The following POLR3C variants were observed in gnomAD, a reference collection of about 807,000 sequenced individuals.
POLR3C encodes the protein DNA-directed RNA polymerase III subunit RPC3.
A neutral mutation model predicts 65.9 loss-of-function variants in POLR3C; 44 were observed. The observed-to-expected ratio is 0.67, with a 90% confidence interval of 0.52 to 0.86. The LOEUF is 0.86. POLR3C is among the 40% of genes least tolerant of loss of function. The pLI, the probability that POLR3C is intolerant of heterozygous loss-of-function variation, is 0.00. For synonymous variants in POLR3C, 263 were observed against 231.6 expected (o/e 1.14, Z -1.23); for missense variants, 576 against 653.2 (o/e 0.88, Z 1.29).
Position 145,842,415 on chromosome 1 carries a change from C to A in POLR3C, c.1600C>A (p.Gln534Lys). ...TTACATTGAGTGCACCATGAAGAGA[C>A]AGTGATCCAGAAGAAGCATCTTCCT... ...ESYIECTMKR[Q>K] The change falls in exon 15 of 15, where the codon CAG (glutamine) becomes AAG (lysine). Residue 534 changes from glutamine (Q) to lysine (K), a missense_variant. Gln to Lys is a moderately conservative substitution (Grantham distance 53). Transcript: ENST00000334163. 6.3e-7 allele frequency: 1 copy of A among 1,597,818 alleles called. No homozygotes were observed. Among genetic ancestry groups the A allele is most frequent in the Non-Finnish European group, 8.6e-7 (1 of 1,165,822 alleles).
At chr1:145,833,940 T>G (rs1329559163) in intron 7 of POLR3C, among the ~76,000 whole-genome samples, 1 of 152,238 alleles carries the variant, frequency 6.6e-6, no homozygotes, top group East Asian at 1.9e-4. Context: ...TTATTTATAT[T>G]ACTTTCATAG....
intron 10 of POLR3C, 87 bp downstream of exon 10, chr1:145,837,683 C>T (rs113245277): frequency 1.1e-6 from 1 of 884,758 alleles, no homozygotes; most frequent in Non-Finnish European, 1.9e-6. Context: ...ACCAATATAA[C>T]CACACCTTGG....
chr1:145,842,077 C>T (rs1350285623), intron 14 of POLR3C, among the ~76,000 whole-genome samples: 2 of 152,110 alleles, frequency 1.3e-5, no homozygotes, highest in Non-Finnish European at 2.9e-5. Flanking sequence ...TGTGCCTTTA[C>T]GTTCGTTTTC....
At chr1:145,836,892 A>C (rs1323129640) in intron 9 of POLR3C, 26 bp downstream of exon 9, 1 of 1,364,992 alleles carries the variant, frequency 7.3e-7, no homozygotes, top group Non-Finnish European at 1.0e-6. Flanking sequence ...ATTTCCTTAG[A>C]GTCAGGCAGC....
chr1:145,824,950 A>C (rs186375795), intron 1 of POLR3C, among the ~76,000 whole-genome samples: 1 of 152,234 alleles, frequency 6.6e-6, no homozygotes, highest in Admixed American at 6.5e-5. Context: ...ATCATCTCCC[A>C]ATCTTTAAGG....
intron 5 of POLR3C, among the ~76,000 whole-genome samples, chr1:145,829,202 G>A (rs1203435295): frequency 6.6e-6 from 1 of 152,166 alleles, no homozygotes; most frequent in Non-Finnish European, 1.5e-5. Flanking sequence ...CTATAAAGAT[G>A]TCAGTAAGCA....
In POLR3C at chr1:145,841,001, C is replaced by A. The variant is rs1652247838; in HGVS notation, c.1453C>A (p.Gln485Lys). The A allele has an allele frequency of 2.5e-6, 4 of 1,613,190 alleles. No individual in the cohort carries two copies. The South Asian group carries it at 3.3e-5, about 13-fold the overall frequency. Residue 485 changes from glutamine to lysine, a missense_variant, in exon 14 of 15, where the codon CAA becomes AAA. Physicochemically the swap from Gln to Lys is moderately conservative, Grantham distance 53. Transcript: ENST00000334163. ...QATGAEEAQL[Q>K]EIEEMITAPE... ...TACTGGTGCAGAGGAAGCACAGTTA[C>A]AAGAAATAGAGGAGATGATCACAGC...
intron 7 of POLR3C, among the ~76,000 whole-genome samples, chr1:145,835,935 A>C (rs1651781395): frequency 6.6e-6 from 1 of 151,960 alleles, no homozygotes; most frequent in South Asian, 2.1e-4. Context: ...ACTTCCTTTC[A>C]TGTTAGTTTC....
chr1:145,830,533 C>G (rs1651213726), intron 5 of POLR3C, among the ~76,000 whole-genome samples: 1 of 152,156 alleles, frequency 6.6e-6, no homozygotes, highest in African/African-American at 2.4e-5. Flanking sequence ...AGCACAGTGG[C>G]TCACACCTGT....
chr1:145,840,230 C>T, intron 13 of POLR3C, 65 bp downstream of exon 13: 1 of 1,061,364 alleles, frequency 9.4e-7, no homozygotes, highest in Non-Finnish European at 1.5e-6. Context: ...GGGAAATTTC[C>T]TCTAGAAATA....
chr1:145,827,110 G>T (rs1650825467), intron 4 of POLR3C, 105 bp downstream of exon 4: 5 of 926,986 alleles, frequency 5.4e-6, no homozygotes, highest in Non-Finnish European at 8.5e-6. Context: ...TTTGCTATGT[G>T]CCAGACATCG....
intron 5 of POLR3C, among the ~76,000 whole-genome samples, chr1:145,830,129 T>TA (rs1447220755): frequency 2.6e-5 from 4 of 152,136 alleles, no homozygotes; most frequent in Non-Finnish European, 5.9e-5. Flanking sequence ...CAGTTATACT[T>TA]ACGTGCATTT....
At chr1:145,831,615 G>A (rs1250370172) in intron 5 of POLR3C, among the ~76,000 whole-genome samples, 1 of 152,038 alleles carries the variant, frequency 6.6e-6, no homozygotes, top group African/African-American at 2.4e-5. Context: ...CCCAAGTAGA[G>A]CATGTAGAGT....
intron 13 of POLR3C, 62 bp downstream of exon 13, chr1:145,840,227 T>A (rs1430375993): frequency 2.2e-5 from 24 of 1,085,636 alleles, no homozygotes; most frequent in Non-Finnish European, 3.4e-5. Context: ...CAGGGGAAAT[T>A]TCCTCTAGAA....
chr1:145,834,865 T>C (rs1301874803), intron 7 of POLR3C, among the ~76,000 whole-genome samples: 1 of 151,990 alleles, frequency 6.6e-6, no homozygotes, highest in African/African-American at 2.4e-5. Flanking sequence ...TATGGCCAGG[T>C]GCAGTGACTC....
intron 5 of POLR3C, among the ~76,000 whole-genome samples, chr1:145,832,773 C>G (rs1268857783): frequency 2.6e-5 from 4 of 152,056 alleles, no homozygotes; most frequent in African/African-American, 9.7e-5. Context: ...CCTATAATCC[C>G]AGCACTTGGA....
chr1:145,831,822 G>A (rs1413281401), intron 5 of POLR3C, among the ~76,000 whole-genome samples: 1 of 152,086 alleles, frequency 6.6e-6, no homozygotes, highest in Admixed American at 6.5e-5. Context: ...CGGGCAGATC[G>A]CTTGAGCCTA....
intron 5 of POLR3C, among the ~76,000 whole-genome samples, chr1:145,832,947 G>A (rs939295034): frequency 5.3e-5 from 8 of 152,224 alleles, no homozygotes; most frequent in African/African-American, 1.4e-4. Context: ...ACTTGAACCC[G>A]AGAGGCAGAG....
chr1:145,829,149 A>G (rs1300923467), intron 5 of POLR3C, among the ~76,000 whole-genome samples: 2 of 152,204 alleles, frequency 1.3e-5, no homozygotes, highest in Non-Finnish European at 2.9e-5. Context: ...TCTAAAAACT[A>G]TACATAGGCC....
Sources: gnomAD v4.1 joint callset for allele counts (sites outside exome capture counted in the v4.1 genomes callset) on GRCh38, gnomAD v4.1.1 for gene constraint, MANE v1.5 for transcripts, NCBI Gene and HGNC (gene_info 2026-07-23, HGNC 2026-07-21) for gene names.